The following CELSR1 variants were observed in gnomAD, a reference collection of about 807,000 sequenced individuals.
CELSR1 encodes the protein adhesion G protein-coupled receptor C1.
A neutral mutation model predicts 249.1 loss-of-function variants in CELSR1; 110 were observed. That is an observed-to-expected ratio of 0.44 (90% CI 0.38 to 0.52). CELSR1 has a LOEUF of 0.52. Among genes scored for constraint, CELSR1 ranks in the 20% least tolerant of loss-of-function variants. The probability of loss-of-function intolerance (pLI) is 0.00; values close to 1 mark genes in which losing one functional copy is unlikely to be tolerated. For missense variants in CELSR1, 4,109 were observed against 4,296.4 expected, an observed-to-expected ratio of 0.96 and a Z score of 1.22; for synonymous variants, 2,113 against 1,900.0, an observed-to-expected ratio of 1.11 and a Z score of -2.92.
At chr22:46,496,324 T>C (rs1022219089) in intron 1 of CELSR1, among the ~76,000 whole-genome samples, 1 of 151,956 alleles carries the variant, frequency 6.6e-6, no homozygotes, top group Non-Finnish European at 1.5e-5. Context: ...TCCCAGCACT[T>C]TGGGAGGCCG....
At position 46,369,738 on chromosome 22, in the gene CELSR1, T is replaced by A; in HGVS notation, c.7826A>T (p.Asp2609Val). 2 of 1,613,348 alleles carry A rather than the reference T, an allele frequency of 1.2e-6. No individual in the cohort carries two copies. The highest frequency in any genetic ancestry group is 1.7e-6 in the Non-Finnish European group (2 of 1,179,968). Residue 2609 changes from aspartate to valine, a missense_variant, in exon 26 of 35, where the codon GAC becomes GTC. By Grantham distance (152) the Asp-to-Val change is radical. Transcript: ENST00000674500. ...CCCCGCAAAGCTCCAAATCAGGGTG[T>A]CTTGAAGCGACAGCCAGCAGAAGTC... is the stretch of plus-strand genomic sequence containing the variant. ...NPDFCWLSLQ[D>V]TLIWSFAGPI... is the part of the protein sequence containing the mutation.
At chr22:46,462,393 G>A (rs1392029960) in intron 2 of CELSR1, among the ~76,000 whole-genome samples, 1 of 151,996 alleles carries the variant, frequency 6.6e-6, no homozygotes, top group Non-Finnish European at 1.5e-5. Context: ...CTCCACTTCT[G>A]ATGCAGAGAA....
intron 1 of CELSR1, among the ~76,000 whole-genome samples, chr22:46,516,070 G>C (rs541722436): frequency 1.2e-4 from 19 of 152,258 alleles, no homozygotes; most frequent in African/African-American, 3.6e-4. Context: ...GGATCTAGAA[G>C]TAGAAATACC....
At chr22:46,459,588 G>T (rs971213871) in intron 2 of CELSR1, among the ~76,000 whole-genome samples, 5 of 152,332 alleles carry the variant, frequency 3.3e-5, no homozygotes, top group East Asian at 1.9e-4. Flanking sequence ...TGCCAGCAGG[G>T]TCCTTGCCCT....
intron 1 of CELSR1, among the ~76,000 whole-genome samples, chr22:46,532,739 G>A (rs2080804909): frequency 6.6e-6 from 1 of 152,122 alleles, no homozygotes; most frequent in African/African-American, 2.4e-5. Flanking sequence ...AGAGCCACTG[G>A]GGGACCTTTA....
rs984407942 is a variant in CELSR1, at chr22:46,390,988, C to T, written c.6250+198G>A. 2.6e-5 allele frequency among the ~76,000 whole-genome samples: 4 copies of T among 152,240 alleles called. No individual in the cohort carries two copies. The highest frequency in any genetic ancestry group is 9.6e-5 in the African/African-American group (4 of 41,462). On this transcript the variant is annotated intron_variant, in intron 16 of 34. Transcript: ENST00000674500. The surrounding 1 kb of genome is among the most constrained non-coding windows in gnomAD (Gnocchi z 6.3). ...CTGGCGGGCGTCCCCACACGCGCTG[C>T]ACTGTTCATGTTTCTGTTGCGCCCT...
chr22:46,400,438 G>A (rs552498698), intron 9 of CELSR1, among the ~76,000 whole-genome samples: 1 of 152,096 alleles, frequency 6.6e-6, no homozygotes, highest in Non-Finnish European at 1.5e-5. Flanking sequence ...ACGAGTTCAA[G>A]ACCAGCCTGG....
chr22:46,376,977 G>A, intron 24 of CELSR1, 84 bp downstream of exon 24: 1 of 1,400,996 alleles, frequency 7.1e-7, no homozygotes, highest in Non-Finnish European at 9.9e-7. Context: ...GCTAGCCAGG[G>A]TGCTTGGAGT....
chr22:46,499,562 T>C (rs1024801752), intron 1 of CELSR1, among the ~76,000 whole-genome samples: 3 of 152,180 alleles, frequency 2.0e-5, no homozygotes, highest in Admixed American at 2.0e-4. Flanking sequence ...CAATTGTATA[T>C]ATCTATTTTC....
intron 2 of CELSR1, among the ~76,000 whole-genome samples, chr22:46,459,411 C>T (rs2079994642): frequency 6.6e-6 from 1 of 152,238 alleles, no homozygotes; most frequent in African/African-American, 2.4e-5. Flanking sequence ...CACACTGCCC[C>T]TTTCAACCAG....
intron 1 of CELSR1, among the ~76,000 whole-genome samples, chr22:46,522,803 G>C (rs997755058): frequency 1.3e-5 from 2 of 152,226 alleles, no homozygotes; most frequent in Non-Finnish European, 1.5e-5. Flanking sequence ...GAGGTCCAGA[G>C]GGGGCCAGGC....
intron 1 of CELSR1, among the ~76,000 whole-genome samples, chr22:46,523,618 G>C (rs2147797776): frequency 6.6e-6 from 1 of 152,116 alleles, no homozygotes; most frequent in Admixed American, 6.5e-5. Flanking sequence ...GAGGGAGGGA[G>C]GGAAGAATAC....
rs2147822277 is a variant in CELSR1, at chr22:46,533,846, T to C, written c.3325A>G (p.Asn1109Asp). Reference sequence around the variant, plus strand: ...TTGGACTTGTTGGTGACATAGTTGTTGAAGAGGATCTGGAAGTCGGGCAGC... The same window carrying C: ...TTGGACTTGTTGGTGACATAGTTGTCGAAGAGGATCTGGAAGTCGGGCAGC... ...PVLPDFQILF[N>D]NYVTNKSNSF... The change falls in exon 1 of 35, where the codon AAC (asparagine) becomes GAC (aspartate). Residue 1109 changes from asparagine to aspartate, a missense_variant. Transcript: ENST00000674500. The C allele has an allele frequency of 6.2e-7, 1 of 1,613,912 alleles. No homozygotes were observed. Among genetic ancestry groups the C allele is most frequent in the Non-Finnish European group, 8.5e-7 (1 of 1,180,020 alleles).
intron 1 of CELSR1, among the ~76,000 whole-genome samples, chr22:46,489,802 T>C (rs3788717): frequency 0.55 from 83,813 of 151,094 alleles, 24,308 homozygotes; most frequent in African/African-American, 0.73. Context: ...GGCTGAGGCA[T>C]GAGAATTGCT....
intron 1 of CELSR1, among the ~76,000 whole-genome samples, chr22:46,529,838 C>A (rs2080774649): frequency 6.6e-6 from 1 of 151,726 alleles, no homozygotes; most frequent in Non-Finnish European, 1.5e-5. Context: ...GTATTTAGCC[C>A]AACAGTGAGA....
At chr22:46,529,297 G>A (rs1336286858) in intron 1 of CELSR1, among the ~76,000 whole-genome samples, 1 of 151,962 alleles carries the variant, frequency 6.6e-6, no homozygotes, top group Non-Finnish European at 1.5e-5. Flanking sequence ...CCTGTCATTT[G>A]CAACAACCTG....
rs1378327105 is a variant in CELSR1 at position 46,384,596 on chromosome 22, A to G, written c.6830T>C (p.Leu2277Pro). 1.5e-5 allele frequency: 25 copies of G among 1,613,654 alleles called. No homozygotes were observed. Among genetic ancestry groups the G allele is most frequent in the Non-Finnish European group, 1.9e-5 (22 of 1,179,884 alleles). ...GGCTGGGAAGGAGACGGAGGACTCC[A>G]GCTCCCTGGGGAACTCTTCATGGAT... ...DTIHEEFPRE[L>P]ESSVSFPADF... Residue 2277 changes from leucine (L) to proline (P), a missense_variant, in exon 20 of 35, where the codon CTG (leucine) becomes CCG (proline). By Grantham distance (98) the Leu-to-Pro change is moderately conservative. Coordinates refer to ENST00000674500, the MANE Select transcript of CELSR1 (RefSeq NM_001378328.1).
At position 46,385,510 on chromosome 22, in the gene CELSR1, G is replaced by C. The variant is rs2079022538; in HGVS notation, c.6740-824C>G. ...GGTCCTCGACACCCACCCTTCTAGA[G>C]TCTCACACCTGAGGGTTTGGAAGCC... On this transcript the variant is annotated intron_variant, in intron 19 of 34. Transcript: ENST00000674500. Among the ~76,000 whole-genome samples, 3 of 152,080 alleles carry C rather than the reference G, an allele frequency of 2.0e-5. No homozygotes were observed. In the South Asian group the frequency reaches 6.2e-4, roughly 32 times the overall value.
Position 46,410,321 on chromosome 22 carries a change from C to T in CELSR1, c.4933+77G>A. 1 of 1,548,270 alleles carries T rather than the reference C, an allele frequency of 6.5e-7. No individual in the cohort carries two copies. The highest frequency in any genetic ancestry group is 8.9e-7 in the Non-Finnish European group (1 of 1,128,922). On this transcript the variant is annotated intron_variant, in intron 7 of 34. Transcript: ENST00000674500. This position sits in a 1 kb window ranked among gnomAD's most constrained non-coding sequence, Gnocchi z 6.8. The stretch of plus-strand genomic sequence containing the variant: ...ACACGGCTCCCCAGGGATCTGCAAG[C>T]AGTGACCTCTGTGTGGCTGCCGACG...
Sources: gnomAD v4.1 joint callset for allele counts (sites outside exome capture counted in the v4.1 genomes callset) on GRCh38, gnomAD v4.1.1 for gene constraint, Gnocchi (gnomAD v3.1) non-coding constraint, MANE v1.5 for transcripts, NCBI Gene and HGNC (gene_info 2026-07-23, HGNC 2026-07-21) for gene names.